Variants in PLA2R1 observed in about 807,000 individuals in gnomAD.
PLA2R1 encodes the protein phospholipase A2 receptor 1, also known as secretory phospholipase A2 receptor.
In PLA2R1, 158 loss-of-function variants were observed where a neutral mutation model predicts 195.9. That is an observed-to-expected ratio of 0.81 (90% confidence interval 0.71 to 0.92). The LOEUF (loss-of-function observed/expected upper bound fraction) is 0.92. Ranked by LOEUF, PLA2R1 falls within the 40% of genes least tolerant of loss-of-function variation. The probability of loss-of-function intolerance (pLI) is 0.00; values close to 1 mark genes in which losing one functional copy is unlikely to be tolerated. For synonymous variants in PLA2R1, 586 were observed against 598.2 expected (o/e 0.98, Z 0.30); for missense variants, 1,626 against 1,764.6 (o/e 0.92, Z 1.41).
In PLA2R1 at chr2:159,976,136, G is replaced by T; in HGVS notation, c.2527C>A (p.Leu843Met). ...TGAATTGTGAGAAGATCACTGTGCA[G>T]CCAGCTACAGACAAACTCAAAGTTC... ...WLNFEFVCSW[L>M]HSDLLTIHSA... Residue 843 changes from leucine to methionine, a missense_variant, in exon 17 of 30, where the codon CTG (leucine) becomes ATG (methionine). Transcript: ENST00000283243. 1.2e-6 allele frequency: 2 copies of T among 1,612,128 alleles called. No individual in the cohort carries two copies. Among genetic ancestry groups the T allele is most frequent in the South Asian group, 2.2e-5 (2 of 91,012 alleles).
chr2:159,963,292 C>T (rs540094098), intron 20 of PLA2R1, among the ~76,000 whole-genome samples: 20 of 152,202 alleles, frequency 1.3e-4, no homozygotes, highest in Non-Finnish European at 2.1e-4. Context: ...AGCTCTTAGA[C>T]AAACACACAG....
intron 10 of PLA2R1, among the ~76,000 whole-genome samples, chr2:160,009,368 T>G (rs1692205288): frequency 6.6e-6 from 1 of 152,228 alleles, no homozygotes; most frequent in Non-Finnish European, 1.5e-5. Context: ...GAATATGAAT[T>G]AGCCTTAAAA....
At chr2:160,001,748 C>A (rs998467155) in intron 11 of PLA2R1, among the ~76,000 whole-genome samples, 1 of 151,810 alleles carries the variant, frequency 6.6e-6, no homozygotes, top group Admixed American at 6.6e-5. Context: ...GATTTTGACA[C>A]CACAGGTGGG....
At position 159,934,730 on chromosome 2, in the gene PLA2R1, T is replaced by C. The variant is rs2125903763; in HGVS notation, c.*7048A>G. Reference sequence around the variant, plus strand: ...TTAGGTTTACAGAAAAATTGCCAACTTAGTCCAGAGAGTTCCTGTACAGCC... The same window carrying C: ...TTAGGTTTACAGAAAAATTGCCAACCTAGTCCAGAGAGTTCCTGTACAGCC... On this transcript the variant is annotated 3_prime_UTR_variant, in exon 30 of 30. Coordinates refer to ENST00000283243, the MANE Select transcript of PLA2R1 (RefSeq NM_007366.5). 6.6e-6 allele frequency: 1 copy of C among 152,332 alleles called. No individual in the cohort carries two copies. Among genetic ancestry groups the C allele is most frequent in the East Asian group, 1.9e-4 (1 of 5,190 alleles). 9.4% of individuals were successfully genotyped at this position (152,332 alleles called of 1,614,324 possible). A position where few individuals can be genotyped will look rare whatever the true frequency, so the allele number is the denominator to read the frequency against.
chr2:159,977,466 T>C (rs544510570), intron 14 of PLA2R1, 50 bp from the exon 15 acceptor site: 14 of 1,580,384 alleles, frequency 8.9e-6, no homozygotes, highest in Non-Finnish European at 1.2e-5. Context: ...CCCCACAAAG[T>C]TTCAAAAGAT....
intron 1 of PLA2R1, among the ~76,000 whole-genome samples, chr2:160,062,083 G>A (rs762870384): frequency 6.6e-6 from 1 of 151,706 alleles, no homozygotes; most frequent in Non-Finnish European, 1.5e-5. Context: ...AGGGTGCCGG[G>A]CCGCGCAAGT....
intron 3 of PLA2R1, among the ~76,000 whole-genome samples, chr2:160,038,864 C>T (rs778852621): frequency 9.2e-5 from 14 of 151,728 alleles, no homozygotes; most frequent in African/African-American, 3.1e-4. Context: ...TTGTGGAGGG[C>T]GGGAGCGGGG....
At chr2:160,042,004 G>A (rs1314130555) in intron 3 of PLA2R1, 21 bp downstream of exon 3, 1 of 1,593,970 alleles carries the variant, frequency 6.3e-7, no homozygotes, top group Non-Finnish European at 8.6e-7. Flanking sequence ...GACATATAGA[G>A]AAGACAAAAT....
At chr2:159,960,537 C>T (rs375578818) in intron 20 of PLA2R1, among the ~76,000 whole-genome samples, 12 of 152,176 alleles carry the variant, frequency 7.9e-5, no homozygotes, top group East Asian at 5.8e-4. Flanking sequence ...CAAATATTGA[C>T]TAATCCCAAA....
intron 16 of PLA2R1, 93 bp downstream of exon 16, chr2:159,976,592 G>C: frequency 1.2e-6 from 1 of 805,714 alleles, no homozygotes. Context: ...GGCTCGATTT[G>C]AGAAATGTAA....
chr2:159,985,965 A>C (rs963359558), intron 12 of PLA2R1, among the ~76,000 whole-genome samples: 1 of 152,114 alleles, frequency 6.6e-6, no homozygotes, highest in East Asian at 1.9e-4. Flanking sequence ...TCAGTGATTC[A>C]GGTGGCACCT....
chr2:160,026,696 T>C (rs1415982307), intron 6 of PLA2R1, among the ~76,000 whole-genome samples: 1 of 152,218 alleles, frequency 6.6e-6, no homozygotes, highest in Non-Finnish European at 1.5e-5. Context: ...ATTTCACTGC[T>C]ATTTGGGAAA....
In PLA2R1 at chr2:159,949,744, G is replaced by A; in HGVS notation, c.3573C>T (p.Thr1191=). 1 of 1,613,912 alleles carries A rather than the reference G, an allele frequency of 6.2e-7. No individual in the cohort carries two copies. ...NGLNFDWSDG[T]KSSFTFWKDE... is the part of the protein sequence containing the mutation. The stretch of plus-strand genomic sequence containing the variant: ...CTTTCCAAAAAGTGAAAGAAGATTT[G>A]GTGCCATCAGACCAGTCAAAATTAA... Residue 1191 remains threonine, a synonymous_variant, in exon 25 of 30, where the codon ACC becomes ACT. Transcript: ENST00000283243.
In PLA2R1 at chr2:160,041,518, C is replaced by G. The variant is rs142819434; in HGVS notation, c.667+507G>C. 4.3e-4 allele frequency among the ~76,000 whole-genome samples: 66 copies of G among 152,164 alleles called. No individual in the cohort carries two copies. In the East Asian group the frequency reaches 0.011, roughly 26 times the overall value. ...TAAATAGTAGGAAAGGGAGTCAAGA[C>G]GAGAATCCACTGTCAAGAAATAATG... On this transcript the variant is annotated intron_variant, in intron 3 of 29. Transcript: ENST00000283243.
chr2:160,006,453 C>T (rs573805130), intron 10 of PLA2R1, among the ~76,000 whole-genome samples: 3 of 152,264 alleles, frequency 2.0e-5, no homozygotes, highest in South Asian at 2.1e-4. Context: ...AATCTAAGGC[C>T]GTACATCCAC....
intron 10 of PLA2R1, among the ~76,000 whole-genome samples, chr2:160,008,124 A>G (rs1007123472): frequency 1.1e-4 from 17 of 152,214 alleles, no homozygotes; most frequent in African/African-American, 3.9e-4. Flanking sequence ...AAACATAGTG[A>G]GATCCTGTCA....
intron 27 of PLA2R1, chr2:159,945,766 C>T: frequency 1.0e-6 from 1 of 982,434 alleles, no homozygotes; most frequent in Non-Finnish European, 1.2e-6. Context: ...CTAATACATT[C>T]AACTCAGTAA....
chr2:160,043,464 C>A (rs928120795), intron 2 of PLA2R1, among the ~76,000 whole-genome samples: 1 of 152,142 alleles, frequency 6.6e-6, no homozygotes, highest in African/African-American at 2.4e-5. Flanking sequence ...AATGGTATGT[C>A]CTGGGGCAAA....
chr2:160,019,982 T>C, intron 8 of PLA2R1, 124 bp downstream of exon 8: 1 of 609,658 alleles, frequency 1.6e-6, no homozygotes. Flanking sequence ...CTCTCTAACA[T>C]GGAAGGCCCA....
Sources: allele counts gnomAD v4.1 joint callset (sites outside exome capture counted in the v4.1 genomes callset), GRCh38; gene constraint gnomAD v4.1.1; transcripts MANE v1.5; gene names NCBI Gene and HGNC (gene_info 2026-07-23, HGNC 2026-07-21).